The following UBXN8 variants were observed in gnomAD, a reference collection of about 807,000 sequenced individuals.
UBXN8 encodes UBX domain protein 8, also known as UBX domain-containing protein 8.
In UBXN8, 27 loss-of-function variants were observed where a neutral mutation model predicts 32.1. The ratio of observed to expected loss-of-function variants is 0.84; its 90% CI spans 0.62 to 1.16. The LOEUF (loss-of-function observed/expected upper bound fraction) is 1.16. Ranked by LOEUF, UBXN8 falls within the 50% of genes most tolerant of loss-of-function variation. The probability of loss-of-function intolerance (pLI) is 0.00; values close to 1 mark genes in which losing one functional copy is unlikely to be tolerated. For synonymous variants in UBXN8, 109 were observed against 111.8 expected (o/e 0.98, Z 0.16); for missense variants, 306 against 311.4 (o/e 0.98, Z 0.13).
At chr8:30,762,643 T>G (rs1010694982) in intron 6 of UBXN8, among the ~76,000 whole-genome samples, 2 of 152,152 alleles carry the variant, frequency 1.3e-5, no homozygotes, top group Non-Finnish European at 2.9e-5. Flanking sequence ...TCCGCCCACC[T>G]TGGCCCCCCA....
chr8:30,732,398 C>CG (rs1804982906), upstream of UBXN8: 1 of 395,662 alleles, frequency 2.5e-6, no homozygotes, highest in Admixed American at 4.4e-5. Flanking sequence ...TACTATCCGA[C>CG]GGGGAGTGCA....
intron 1 of UBXN8, among the ~76,000 whole-genome samples, chr8:30,734,726 T>C (rs1033554763): frequency 6.6e-6 from 1 of 152,074 alleles, no homozygotes; most frequent in Non-Finnish European, 1.5e-5. Context: ...GGAGGATCAC[T>C]GTATTCTAGG....
intron 1 of UBXN8, among the ~76,000 whole-genome samples, chr8:30,747,885 A>G (rs549804586): frequency 2.2e-4 from 12 of 55,206 alleles, no homozygotes; most frequent in African/African-American, 6.8e-4. Flanking sequence ...TTTTTAATAT[A>G]TATTTTTTCT....
At chr8:30,731,558 G>A (rs185677307), upstream of UBXN8, among the ~76,000 whole-genome samples, 173 of 152,238 alleles carry the variant, frequency 1.1e-3, no homozygotes, top group African/African-American at 4.1e-3. Context: ...AAAGTTACCC[G>A]GAACGGGAGT....
At chr8:30,744,301 A>G in intron 1 of UBXN8, 24 bp downstream of exon 1, 2 of 1,604,846 alleles carry the variant, frequency 1.2e-6, no homozygotes, top group Non-Finnish European at 8.5e-7. Flanking sequence ...TTTCCCTTCG[A>G]CAGTCACAGC....
At chr8:30,742,039 A>C (rs1037633460), upstream of UBXN8, among the ~76,000 whole-genome samples, 9 of 152,234 alleles carry the variant, frequency 5.9e-5, no homozygotes, top group African/African-American at 2.2e-4. Flanking sequence ...TAAGAACTGT[A>C]GAACTTCCTT....
chr8:30,766,709 C>T lies in UBXN8; in HGVS notation c.*315C>T. Reference sequence around the variant, plus strand: ...TTAGAAAACAAACCCTTAGAACTTTCCTTTCTGCCTCTTCAATCCATCTTA... The same window carrying T: ...TTAGAAAACAAACCCTTAGAACTTTTCTTTCTGCCTCTTCAATCCATCTTA... On this transcript the variant is annotated 3_prime_UTR_variant, in exon 8 of 8. Coordinates refer to ENST00000265616, the MANE Select transcript of UBXN8 (RefSeq NM_005671.4). 6.2e-6 allele frequency: 1 copy of T among 161,134 alleles called. No individual in the cohort carries two copies. Among genetic ancestry groups the T allele is most frequent in the Non-Finnish European group, 1.4e-5 (1 of 73,698 alleles). 10.0% of individuals were successfully genotyped at this position (161,134 alleles called of 1,614,324 possible).
intron 1 of UBXN8, among the ~76,000 whole-genome samples, chr8:30,745,678 A>G (rs1042281680): frequency 2.6e-5 from 4 of 152,220 alleles, no homozygotes; most frequent in Non-Finnish European, 4.4e-5. Flanking sequence ...AGGATCAGAA[A>G]TGTTGAATTC....
intron 1 of UBXN8, among the ~76,000 whole-genome samples, chr8:30,750,907 G>A (rs1299843112): frequency 6.6e-6 from 1 of 151,948 alleles, no homozygotes; most frequent in Admixed American, 6.6e-5. Context: ...TTTCCCCGTC[G>A]TTAGTCCATA....
chr8:30,737,646 C>G (rs1358434148), intron 1 of UBXN8, among the ~76,000 whole-genome samples: 1 of 80,434 alleles, frequency 1.2e-5, no homozygotes, highest in Non-Finnish European at 4.3e-5. Context: ...CGTGATCTCA[C>G]CACTGCACTC....
At chr8:30,731,857 A>C (rs1189085156), upstream of UBXN8, among the ~76,000 whole-genome samples, 7 of 152,114 alleles carry the variant, frequency 4.6e-5, no homozygotes, top group African/African-American at 1.7e-4. Flanking sequence ...GTCTCCATGG[A>C]ACACTCCCCT....
intron 4 of UBXN8, among the ~76,000 whole-genome samples, chr8:30,755,046 C>T (rs1805619145): frequency 6.6e-6 from 1 of 150,702 alleles, no homozygotes; most frequent in Non-Finnish European, 1.5e-5. Flanking sequence ...AGCTCCGCCT[C>T]CCAGGTTCAT....
chr8:30,744,448 C>T, intron 1 of UBXN8, 171 bp downstream of exon 1: 1 of 660,772 alleles, frequency 1.5e-6, no homozygotes, highest in Non-Finnish European at 2.7e-6. Context: ...TTCGAGGAAC[C>T]TTTTCCCTCC....
chr8:30,752,149 C>G (rs1232831176), intron 2 of UBXN8, among the ~76,000 whole-genome samples: 1 of 152,198 alleles, frequency 6.6e-6, no homozygotes, highest in Non-Finnish European at 1.5e-5. Flanking sequence ...CTCGGCCTCC[C>G]GATGTGTTGG....
intron 3 of UBXN8, 104 bp from the exon 4 acceptor site, chr8:30,754,561 C>T: frequency 1.4e-6 from 2 of 1,438,376 alleles, no homozygotes; most frequent in Non-Finnish European, 9.2e-7. Context: ...CTCTGTTCAG[C>T]CAGCAGGGTT....
rs1563557922 is a variant in UBXN8, at chr8:30,744,287, A to G, written c.88+10A>G. Reference sequence around the variant, plus strand: ...GGGATCCCGGATATAGGTAAGTGTGACTTTTTCCCTTCGACAGTCACAGCT... The same window carrying G: ...GGGATCCCGGATATAGGTAAGTGTGGCTTTTTCCCTTCGACAGTCACAGCT... On this transcript the variant is annotated intron_variant, in intron 1 of 7. Coordinates refer to ENST00000265616, the MANE Select transcript of UBXN8 (RefSeq NM_005671.4). 1 of 1,611,858 alleles carries G rather than the reference A, an allele frequency of 6.2e-7. No individual in the cohort carries two copies. Among genetic ancestry groups the G allele is most frequent in the Non-Finnish European group, 8.5e-7 (1 of 1,178,888 alleles).
chr8:30,735,665 C>T (rs1037705904), intron 1 of UBXN8, among the ~76,000 whole-genome samples: 1 of 152,154 alleles, frequency 6.6e-6, no homozygotes, highest in Non-Finnish European at 1.5e-5. Context: ...ATGGTGAAAC[C>T]CTGTCTCTAC....
intron 5 of UBXN8, among the ~76,000 whole-genome samples, chr8:30,759,618 A>T (rs1805770302): frequency 6.6e-6 from 1 of 151,924 alleles, no homozygotes; most frequent in South Asian, 2.1e-4. Flanking sequence ...GGTTTCTGGC[A>T]GTCACCTAGG....
upstream of UBXN8, among the ~76,000 whole-genome samples, chr8:30,743,838 C>G (rs532352134): frequency 2.0e-5 from 3 of 152,326 alleles, no homozygotes; most frequent in African/African-American, 7.2e-5. Context: ...ACAGCATCAG[C>G]TTTTTCTTCG....
Sources: gnomAD v4.1 joint callset for allele counts (sites outside exome capture counted in the v4.1 genomes callset) on GRCh38, gnomAD v4.1.1 for gene constraint, MANE v1.5 for transcripts, NCBI Gene and HGNC (gene_info 2026-07-23, HGNC 2026-07-21) for gene names.